EXOC5: variants seen among roughly 807,000 people sequenced by gnomAD.
The protein encoded by EXOC5 is exocyst complex component 5.
A neutral mutation model predicts 90.8 loss-of-function variants in EXOC5; 17 were observed. The ratio of observed to expected loss-of-function variants is 0.19; its 90% CI spans 0.13 to 0.28. EXOC5 has a LOEUF of 0.28. EXOC5 is among the 10% of genes least tolerant of loss of function. The probability of loss-of-function intolerance (pLI) is 1.00; values close to 1 mark genes in which losing one functional copy is unlikely to be tolerated. For synonymous variants in EXOC5, 260 were observed against 270.0 expected, an observed-to-expected ratio of 0.96 and a Z score of 0.36; for missense variants, 569 against 830.6, an observed-to-expected ratio of 0.69 and a Z score of 3.87.
intron 13 of EXOC5, among the ~76,000 whole-genome samples, chr14:57,221,195 C>G (rs1182477525): frequency 2.6e-5 from 4 of 152,080 alleles, no homozygotes; most frequent in African/African-American, 9.7e-5. Context: ...ATGAGAAAAG[C>G]TGAGGCAAAA....
At chr14:57,234,139 T>C in intron 7 of EXOC5, 107 bp from the exon 8 acceptor site, 2 of 778,934 alleles carry the variant, frequency 2.6e-6, no homozygotes, top group East Asian at 2.8e-5. Flanking sequence ...TACCAGTAAA[T>C]GGCCAATAGC....
intron 11 of EXOC5, among the ~76,000 whole-genome samples, chr14:57,231,010 CTT>C (rs758234288): frequency 1.1e-4 from 15 of 137,956 alleles, no homozygotes; most frequent in Non-Finnish European, 1.3e-4. Flanking sequence ...ATCTACTTTA[CTT>C]TTTTTTTTTT....
chr14:57,247,836 T>C, intron 1 of EXOC5, 124 bp from the exon 2 acceptor site: 1 of 463,706 alleles, frequency 2.2e-6, no homozygotes, highest in South Asian at 5.5e-5. Context: ...TTTAAATACA[T>C]CTATATTATT....
In EXOC5 at chr14:57,241,220, C is replaced by T. The variant is rs534931834; in HGVS notation, c.466-1561G>A. Among the ~76,000 whole-genome samples, 9 of 152,244 alleles carry T rather than the reference C, an allele frequency of 5.9e-5. No homozygotes were observed. In the South Asian group the frequency reaches 8.3e-4, roughly 14 times the overall value. On this transcript the variant is annotated intron_variant, in intron 4 of 17. Transcript: ENST00000621441. ...CAACTGTGAATAACAACAGCAGAGC[C>T]TCTTCTCCCTTCTTGCTCCAAATTA...
chr14:57,228,851 A>AT (rs1555368539), intron 12 of EXOC5, among the ~76,000 whole-genome samples: 2 of 148,580 alleles, frequency 1.3e-5, no homozygotes, highest in East Asian at 2.0e-4. Flanking sequence ...AACTTAAAGT[A>AT]TAAAAAAAAA....
intron 15 of EXOC5, among the ~76,000 whole-genome samples, chr14:57,215,342 G>A (rs145021081): frequency 9.7e-4 from 148 of 151,806 alleles, no homozygotes; most frequent in Admixed American, 2.4e-3. Flanking sequence ...GCATTACAGT[G>A]ATACCAAAGC....
In EXOC5 at chr14:57,268,683, G is replaced by A; in HGVS notation, c.-35C>T. ...CTGAGAGGCTCGCCCCCCACTGGAT[G>A]CCGTCTCCGCTTCACATGCTGCGCC... On this transcript the variant is annotated 5_prime_UTR_variant, in exon 1 of 18. Coordinates refer to ENST00000621441, the MANE Select transcript of EXOC5 (RefSeq NM_006544.4). 1 of 1,569,878 alleles carries A rather than the reference G, an allele frequency of 6.4e-7. No homozygotes were observed.
chr14:57,207,433 T>C lies in EXOC5; in HGVS notation c.*1176A>G, dbSNP rs1464880064. On this transcript the variant is annotated 3_prime_UTR_variant, in exon 18 of 18. Coordinates refer to ENST00000621441, the MANE Select transcript of EXOC5 (RefSeq NM_006544.4). The stretch of plus-strand genomic sequence containing the variant: ...GTTTATAAGGTTTATAGAATAGTAA[T>C]GGCCTTTCTAAATTTTCACTTGATA... The C allele has an allele frequency of 6.6e-6, 1 of 152,562 alleles. No individual in the cohort carries two copies. Among genetic ancestry groups the C allele is most frequent in the African/African-American group, 2.4e-5 (1 of 41,442 alleles). The allele number at this position is 152,562 out of a possible 1,614,324, so 9.5% of individuals were successfully genotyped here. A position where few individuals can be genotyped will look rare whatever the true frequency, so the allele number is the denominator to read the frequency against.
chr14:57,233,520 A>G (rs1034621586), intron 9 of EXOC5, among the ~76,000 whole-genome samples: 3 of 152,114 alleles, frequency 2.0e-5, no homozygotes, highest in Non-Finnish European at 4.4e-5. Flanking sequence ...AATACTACAC[A>G]AATTTCAAGC....
rs150488195 is a variant in EXOC5 at position 57,208,811 on chromosome 14, A to AG, written c.1939-15dup. 6.6e-3 allele frequency: 10,135 copies of AG among 1,529,826 alleles called. 549 individuals are homozygous for AG. The African/African-American group carries it at 0.12, about 18-fold the overall frequency. 94.8% of individuals were successfully genotyped at this position (1,529,826 alleles called of 1,614,324 possible). On this transcript the variant is annotated splice_polypyrimidine_tract_variant and intron_variant, in intron 17 of 17. Coordinates refer to ENST00000621441, the MANE Select transcript of EXOC5 (RefSeq NM_006544.4). ...TACCATTGGAATCTGAATTGAGAGA[A>AG]GAAAAAAAGTAACATTGAAACAAAA...
chr14:57,209,841 AAATACAGTTTCTCATT>A, intron 16 of EXOC5, 59 bp from the exon 17 acceptor site: 1 of 1,327,738 alleles, frequency 7.5e-7, no homozygotes, highest in African/African-American at 1.5e-5. Flanking sequence ...GCTAAAGAGG[AAATACAGTTTCTCATT>A]AATCTTTAAG....
chr14:57,220,680 G>A (rs1419764556), intron 13 of EXOC5, among the ~76,000 whole-genome samples: 1 of 152,074 alleles, frequency 6.6e-6, no homozygotes, highest in Non-Finnish European at 1.5e-5. Flanking sequence ...TGCACCTGTA[G>A]TTATAGCTAC....
At chr14:57,220,750 T>C (rs960643283) in intron 13 of EXOC5, among the ~76,000 whole-genome samples, 2 of 152,084 alleles carry the variant, frequency 1.3e-5, no homozygotes, top group African/African-American at 2.4e-5. Flanking sequence ...CCATGAGCCA[T>C]GACTATGCCA....
At chr14:57,232,983 T>A (rs1205080932) in intron 9 of EXOC5, 1 of 342,230 alleles carries the variant, frequency 2.9e-6, no homozygotes, top group Non-Finnish European at 5.3e-6. Flanking sequence ...TTAGGAATAA[T>A]ACCTTTTCTG....
At chr14:57,267,704 A>G (rs567277663) in intron 1 of EXOC5, among the ~76,000 whole-genome samples, 1 of 152,100 alleles carries the variant, frequency 6.6e-6, no homozygotes, top group Non-Finnish European at 1.5e-5. Context: ...TTCCTATTCT[A>G]TTATCTCAAA....
At chr14:57,238,202 A>C (rs1337188596) in intron 5 of EXOC5, among the ~76,000 whole-genome samples, 1 of 140,114 alleles carries the variant, frequency 7.1e-6, no homozygotes, top group African/African-American at 2.6e-5. Context: ...TTTAGGATAT[A>C]TATTCAACTC....
chr14:57,260,675 A>G (rs1232061882), intron 1 of EXOC5, among the ~76,000 whole-genome samples: 1 of 152,196 alleles, frequency 6.6e-6, no homozygotes, highest in Non-Finnish European at 1.5e-5. Context: ...TAGATTTAAA[A>G]TTCGTAATGC....
intron 4 of EXOC5, among the ~76,000 whole-genome samples, chr14:57,240,697 GTTCA>G (rs568663407): frequency 6.7e-4 from 102 of 152,194 alleles, no homozygotes; most frequent in African/African-American, 2.3e-3. Flanking sequence ...AGTTTACAAT[GTTCA>G]TTTATTCTTT....
rs1951671177 is a variant in EXOC5, at chr14:57,206,820, T to C, written c.*1789A>G. 1 of 152,524 alleles carries C rather than the reference T, an allele frequency of 6.6e-6. No individual in the cohort carries two copies. Among genetic ancestry groups the C allele is most frequent in the Non-Finnish European group, 1.5e-5 (1 of 67,950 alleles). The allele number at this position is 152,524 out of a possible 1,614,324, so 9.4% of individuals were successfully genotyped here. ...TCTCTGATTTGGAAGTCTTAAAATG[T>C]TATCTCATGTTTTATTTGAGATTTT... On this transcript the variant is annotated 3_prime_UTR_variant, in exon 18 of 18. Coordinates refer to ENST00000621441, the MANE Select transcript of EXOC5 (RefSeq NM_006544.4).
Sources: allele counts gnomAD v4.1 joint callset (sites outside exome capture counted in the v4.1 genomes callset), GRCh38; gene constraint gnomAD v4.1.1; transcripts MANE v1.5; gene names NCBI Gene and HGNC (gene_info 2026-07-23, HGNC 2026-07-21).